The following ZNF521 variants were observed in gnomAD, a reference collection of about 807,000 sequenced individuals.
ZNF521 encodes the protein zinc finger protein 521, also known as LYST-interacting protein 3.
A neutral mutation model predicts 105.5 loss-of-function variants in ZNF521; 14 were observed. The observed-to-expected ratio is 0.13, with a 90% confidence interval of 0.09 to 0.21. The LOEUF (loss-of-function observed/expected upper bound fraction) is 0.21. Among genes scored for constraint, ZNF521 ranks in the 10% least tolerant of loss-of-function variants. The pLI is 1.00. For missense variants in ZNF521, 1,233 were observed against 1,629.7 expected, an observed-to-expected ratio of 0.76 and a Z score of 4.19; for synonymous variants, 635 against 606.0, an observed-to-expected ratio of 1.05 and a Z score of -0.70.
chr18:25,150,912 A>ACCTT (rs1014418863), intron 5 of ZNF521, among the ~76,000 whole-genome samples: 2 of 134,620 alleles, frequency 1.5e-5, no homozygotes, highest in Admixed American at 1.7e-4. Context: ...TTTTTGAGAC[A>ACCTT]GAGTCTCGCT....
chr18:25,172,859 G>A (rs919280933), intron 5 of ZNF521, among the ~76,000 whole-genome samples: 5 of 152,116 alleles, frequency 3.3e-5, no homozygotes, highest in Non-Finnish European at 5.9e-5. Context: ...CATGAATTAT[G>A]AAGCTTACTC....
chr18:25,218,599 C>A (rs1444683403), intron 4 of ZNF521, among the ~76,000 whole-genome samples: 1 of 151,126 alleles, frequency 6.6e-6, no homozygotes, highest in African/African-American at 2.4e-5. Flanking sequence ...CTGCAGTGAC[C>A]CATGATCCCA....
chr18:25,133,128 T>C (rs2034671211), intron 5 of ZNF521, among the ~76,000 whole-genome samples: 1 of 152,210 alleles, frequency 6.6e-6, no homozygotes. Flanking sequence ...AGCAGCTTCA[T>C]ATATTCCATT....
At chr18:25,074,096 G>A (rs1279731700) in intron 7 of ZNF521, among the ~76,000 whole-genome samples, 1 of 152,186 alleles carries the variant, frequency 6.6e-6, no homozygotes. Context: ...GCACGCGCAC[G>A]GGAATATGCC....
Position 25,225,265 on chromosome 18 carries a change from T to C in ZNF521, c.2653A>G (p.Met885Val), listed in dbSNP as rs200572998. Reference protein sequence around the residue: ...SEEDVDTSEPMYGCDICGAAY... With the variant: ...SEEDVDTSEPVYGCDICGAAY... ...GCCCCACAAATGTCGCAGCCGTACA[T>C]AGGCTCAGAGGTGTCAACGTCTTCT... Residue 885 changes from methionine (M) to valine (V), a missense_variant, in exon 4 of 8, where the codon ATG becomes GTG. Physicochemically the swap from Met to Val is conservative, Grantham distance 21 (BLOSUM62 1). Transcript: ENST00000361524. This position sits in a 1 kb window ranked among gnomAD's most constrained non-coding sequence, Gnocchi z 5.6. 2.5e-4 allele frequency: 400 copies of C among 1,614,140 alleles called. 1 individual carries two copies. The highest frequency in any genetic ancestry group is 9.9e-4 in the Middle Eastern group (6 of 6,062).
chr18:25,116,858 CAT>C (rs1259960636), intron 5 of ZNF521, among the ~76,000 whole-genome samples: 17 of 128,392 alleles, frequency 1.3e-4, no homozygotes, highest in African/African-American at 3.3e-4. Flanking sequence ...AAATCTGTTA[CAT>C]ATATATATAC....
At chr18:25,319,095 G>T (rs1170932535) in intron 3 of ZNF521, among the ~76,000 whole-genome samples, 1 of 152,088 alleles carries the variant, frequency 6.6e-6, no homozygotes, top group Non-Finnish European at 1.5e-5. Context: ...AACACATACA[G>T]GATCCTGTTT....
At chr18:25,299,996 G>A (rs1911541376) in intron 3 of ZNF521, among the ~76,000 whole-genome samples, 2 of 152,164 alleles carry the variant, frequency 1.3e-5, no homozygotes, top group South Asian at 2.1e-4. Context: ...GCTGGATTGG[G>A]AACTTACTTT....
At chr18:25,260,979 C>T (rs1364150363) in intron 3 of ZNF521, among the ~76,000 whole-genome samples, 2 of 152,076 alleles carry the variant, frequency 1.3e-5, no homozygotes, top group Non-Finnish European at 2.9e-5. Flanking sequence ...ACCTGGAAAC[C>T]TTTTCTTCAG....
chr18:25,284,910 G>GCACA (rs45525437), intron 3 of ZNF521, among the ~76,000 whole-genome samples: 3,004 of 148,634 alleles, frequency 0.02, 72 homozygotes, highest in African/African-American at 0.05. Context: ...GTGCGCGCGC[G>GCACA]CACACACACA....
chr18:25,227,590 C>T lies in ZNF521; in HGVS notation c.328G>A (p.Glu110Lys). The T allele has an allele frequency of 6.2e-7, 1 of 1,614,132 alleles. No homozygotes were observed. Among genetic ancestry groups the T allele is most frequent in the Non-Finnish European group, 8.5e-7 (1 of 1,180,020 alleles). The change falls in exon 4 of 8, where the codon GAA (glutamate) becomes AAA (lysine). Residue 110 changes from glutamate (E) to lysine (K), a missense_variant. Glu to Lys is a moderately conservative substitution (Grantham distance 56). Around this residue, in one of 6 missense-constraint regions of ZNF521, gnomAD observed 85 missense variants for 162.2 expected, o/e 0.52. Transcript: ENST00000361524. This position sits in a 1 kb window ranked among gnomAD's most constrained non-coding sequence, Gnocchi z 5.7. ...SHGEGCDFGE[E>K]EGGPGLPYPC... ...TATGGAAGCCCAGGGCCACCTTCTT[C>T]CTCTCCAAAATCGCAACCTTCTCCA...
intron 4 of ZNF521, among the ~76,000 whole-genome samples, chr18:25,196,388 G>C (rs2035902095): frequency 6.6e-6 from 1 of 151,394 alleles, no homozygotes. Context: ...TCAATTTTAA[G>C]GAACTGAAGT....
chr18:25,238,363 C>T (rs975988368), intron 3 of ZNF521, among the ~76,000 whole-genome samples: 5 of 152,186 alleles, frequency 3.3e-5, no homozygotes, highest in African/African-American at 1.2e-4. Context: ...AAACCTATAA[C>T]TCTCTGTTAA....
chr18:25,238,481 G>C (rs1907080420), intron 3 of ZNF521, among the ~76,000 whole-genome samples: 1 of 152,158 alleles, frequency 6.6e-6, no homozygotes, highest in Non-Finnish European at 1.5e-5. Context: ...CCTCTCTCCT[G>C]TTCTTCCATC....
rs148730626 is a variant in ZNF521, at chr18:25,094,010, A to C, written c.3659-1929T>G. 1.8e-3 allele frequency among the ~76,000 whole-genome samples: 270 copies of C among 152,332 alleles called. 2 individuals are homozygous for C. The highest frequency in any genetic ancestry group is 5.9e-3 in the African/African-American group (247 of 41,590). On this transcript the variant is annotated intron_variant, in intron 5 of 7. Transcript: ENST00000361524. ...TTAATGCTACATACCTTTATTTTGA[A>C]TAGTAAGAAGGTTACTACGGGTTTT... is the stretch of plus-strand genomic sequence containing the variant.
At chr18:25,279,558 C>T (rs1181800076) in intron 3 of ZNF521, among the ~76,000 whole-genome samples, 1 of 152,158 alleles carries the variant, frequency 6.6e-6, no homozygotes, top group African/African-American at 2.4e-5. Flanking sequence ...ACAACACATC[C>T]TTGTATAGCA....
chr18:25,186,915 A>G (rs1229921923), intron 5 of ZNF521, among the ~76,000 whole-genome samples: 2 of 148,678 alleles, frequency 1.3e-5, no homozygotes, highest in African/African-American at 4.9e-5. Context: ...AAAAAAAAAA[A>G]AAAAAAGAAA....
Position 25,322,014 on chromosome 18 carries a change from G to C in ZNF521, c.214C>G (p.Leu72Val), listed in dbSNP as rs773978048. 1 of 1,613,856 alleles carries C rather than the reference G, an allele frequency of 6.2e-7. No individual in the cohort carries two copies. Among genetic ancestry groups the C allele is most frequent in the Admixed American group, 1.7e-5 (1 of 59,998 alleles). Residue 72 changes from leucine to valine, a missense_variant, in exon 3 of 8, where the codon CTG becomes GTG. Physicochemically the swap from Leu to Val is conservative, Grantham distance 32. This residue lies in a region of ZNF521 where 85 missense variants were observed against 162.2 expected (regional missense o/e 0.52). Coordinates refer to ENST00000361524, the MANE Select transcript of ZNF521 (RefSeq NM_015461.3). ...AGTGATAAGTATTGTTTACCTGTCA[G>C]TTGACATTGATTAATCTTGTGTTCT... ...ITEHKINQCQ[L>V]TDGVDVEDDP... is the part of the protein sequence containing the mutation.
At chr18:25,192,064 T>C (rs554223528) in intron 5 of ZNF521, among the ~76,000 whole-genome samples, 2 of 152,282 alleles carry the variant, frequency 1.3e-5, no homozygotes, top group South Asian at 2.1e-4. Context: ...GGGAAATCTT[T>C]TCCCCAGGAA....
Sources: gnomAD v4.1 joint callset for allele counts (sites outside exome capture counted in the v4.1 genomes callset) on GRCh38, gnomAD v4.1.1 for gene constraint, gnomAD v4.1.1 regional missense constraint, Gnocchi (gnomAD v3.1) non-coding constraint, MANE v1.5 for transcripts, NCBI Gene and HGNC (gene_info 2026-07-23, HGNC 2026-07-21) for gene names.